Variants in ANK2 observed in about 807,000 individuals in gnomAD.
ANK2 encodes the protein ankyrin-2.
Under a neutral mutation model 360.5 loss-of-function variants are expected in ANK2, and 83 were observed. The ratio of observed to expected loss-of-function variants is 0.23; its 90% CI spans 0.19 to 0.28. The LOEUF is 0.28. Ranked by LOEUF, ANK2 falls within the 10% of genes least tolerant of loss-of-function variation. The pLI is 1.00. For missense variants in ANK2, 4,201 were observed against 4,795.7 expected, an observed-to-expected ratio of 0.88 and a Z score of 3.66; for synonymous variants, 1,740 against 1,759.5, an observed-to-expected ratio of 0.99 and a Z score of 0.28.
chr4:113,368,755 G>C (rs2096626719), intron 42 of ANK2, among the ~76,000 whole-genome samples: 1 of 152,162 alleles, frequency 6.6e-6, no homozygotes, highest in Non-Finnish European at 1.5e-5. Context: ...TTCTTCCACT[G>C]AGCCACCCTT....
In ANK2 at chr4:113,356,945, G is replaced by A. The variant is rs772706757; in HGVS notation, c.8327G>A (p.Gly2776Glu). ...TDQPKICDGH[G>E]CEAMSPSSSA... ...CAGCCAAAAATCTGTGATGGCCATG[G>A]ATGTGAGGCCATGAGTCCTAGCAGC... is the stretch of plus-strand genomic sequence containing the variant. Residue 2776 changes from glycine to glutamate, a missense_variant, in exon 38 of 46, where the codon GGA becomes GAA. Gly to Glu is a moderately conservative substitution (Grantham distance 98, BLOSUM62 -2). This residue lies in a region of ANK2 where 2,642 missense variants were observed against 2,714.5 expected (regional missense o/e 0.97). Coordinates refer to ENST00000357077, the MANE Select transcript of ANK2 (RefSeq NM_001148.6). 6.2e-7 allele frequency: 1 copy of A among 1,614,036 alleles called. No individual in the cohort carries two copies. The highest frequency in any genetic ancestry group is 1.1e-5 in the South Asian group (1 of 91,084).
chr4:113,330,490 C>T lies in ANK2; in HGVS notation c.3125+20C>T. ...CCTTGGGTAAGGGTTTCTGATAAAC[C>T]TCCCACTTAGTCATCGATGAGCTTG... On this transcript the variant is annotated intron_variant, in intron 27 of 45. Transcript: ENST00000357077. 6.2e-7 allele frequency: 1 copy of T among 1,611,702 alleles called. No individual in the cohort carries two copies. Among genetic ancestry groups the T allele is most frequent in the African/African-American group, 1.3e-5 (1 of 74,978 alleles).
intron 4 of ANK2, among the ~76,000 whole-genome samples, chr4:113,218,163 A>G (rs1381713810): frequency 6.6e-6 from 1 of 152,202 alleles, no homozygotes; most frequent in East Asian, 1.9e-4. Flanking sequence ...CTAATGCTCT[A>G]ACCTTTACTG....
the ANK2 span, among the ~76,000 whole-genome samples, chr4:112,794,558 T>A: frequency 6.6e-6 from 1 of 152,218 alleles, no homozygotes; most frequent in Non-Finnish European, 1.5e-5. Flanking sequence ...TATATAAGCC[T>A]AAATTTATGC....
At chr4:112,896,800 C>G (rs752764182) in intron 1 of ANK2, among the ~76,000 whole-genome samples, 1 of 152,164 alleles carries the variant, frequency 6.6e-6, no homozygotes, top group Non-Finnish European at 1.5e-5. Context: ...CTTTATTCAG[C>G]CTTGGAACCA....
At chr4:112,944,587 C>T (rs189998273) in intron 2 of ANK2, among the ~76,000 whole-genome samples, 39 of 152,294 alleles carry the variant, frequency 2.6e-4, no homozygotes, top group Admixed American at 6.5e-4. Context: ...GTCCCACCCC[C>T]CTTCCCCATT....
At chr4:112,775,120 G>T in the ANK2 span, among the ~76,000 whole-genome samples, 5 of 152,078 alleles carry the variant, frequency 3.3e-5, no homozygotes, top group Non-Finnish European at 5.9e-5. Context: ...AGTATAGACA[G>T]TGAAAGAAAA....
At chr4:112,983,402 C>T (rs924256932) in intron 2 of ANK2, among the ~76,000 whole-genome samples, 8 of 150,320 alleles carry the variant, frequency 5.3e-5, no homozygotes, top group African/African-American at 1.7e-4. Flanking sequence ...AGAGGCCGGG[C>T]GCAGTGGCTC....
At chr4:112,722,989 G>C in the ANK2 span, among the ~76,000 whole-genome samples, 1 of 152,000 alleles carries the variant, frequency 6.6e-6, no homozygotes, top group Non-Finnish European at 1.5e-5. Flanking sequence ...GAAAAAAAAA[G>C]AGAAAAAAGT....
At chr4:112,861,199 G>A (rs2067900727) in intron 1 of ANK2, among the ~76,000 whole-genome samples, 2 of 152,070 alleles carry the variant, frequency 1.3e-5, no homozygotes, top group South Asian at 4.1e-4. Flanking sequence ...TAAAGAAAAG[G>A]GCTATTGTTT....
the ANK2 span, among the ~76,000 whole-genome samples, chr4:112,737,130 T>C: frequency 6.6e-6 from 1 of 152,208 alleles, no homozygotes; most frequent in Non-Finnish European, 1.5e-5. Flanking sequence ...TGTCTATAAA[T>C]TGGGGATAAT....
At chr4:113,359,351 A>G (rs201195682) in intron 38 of ANK2, 52 bp downstream of exon 38, 360 of 1,605,484 alleles carry the variant, frequency 2.2e-4, no homozygotes, top group Non-Finnish European at 4.7e-5. Context: ...TAAAATTGAT[A>G]TAGTTTTTTT....
intron 1 of ANK2, among the ~76,000 whole-genome samples, chr4:113,124,513 C>T (rs924544317): frequency 6.6e-6 from 1 of 152,096 alleles, no homozygotes; most frequent in Non-Finnish European, 1.5e-5. Context: ...TGTTCTGTTT[C>T]TGTTTTTGTT....
At chr4:113,224,033 A>C (rs1341628694) in intron 4 of ANK2, among the ~76,000 whole-genome samples, 2 of 152,114 alleles carry the variant, frequency 1.3e-5, no homozygotes, top group African/African-American at 4.8e-5. Context: ...TAACACAGCA[A>C]CTCATTTCCT....
intron 2 of ANK2, among the ~76,000 whole-genome samples, chr4:113,006,535 A>T (rs963871190): frequency 2.0e-5 from 3 of 152,150 alleles, no homozygotes; most frequent in Non-Finnish European, 4.4e-5. Flanking sequence ...TTGTTAGAAA[A>T]TGTGGAGAAA....
intron 4 of ANK2, among the ~76,000 whole-genome samples, chr4:113,225,917 C>G (rs903386687): frequency 1.3e-5 from 2 of 152,084 alleles, no homozygotes; most frequent in Non-Finnish European, 2.9e-5. Context: ...TTTGAATTCC[C>G]TAAAATACAG....
intron 6 of ANK2, 147 bp from the exon 7 acceptor site, chr4:113,237,452 G>A (rs959171186): frequency 5.9e-6 from 5 of 851,444 alleles, no homozygotes; most frequent in South Asian, 1.4e-5. Context: ...AAATTGTATT[G>A]TGTGGTGCTT....
chr4:113,110,158 G>A (rs1302303668), intron 1 of ANK2, among the ~76,000 whole-genome samples: 1 of 152,144 alleles, frequency 6.6e-6, no homozygotes, highest in African/African-American at 2.4e-5. Context: ...CACAATCATG[G>A]TGGAAGGCGA....
At chr4:113,297,921 T>C (rs1055156734) in intron 22 of ANK2, among the ~76,000 whole-genome samples, 4 of 151,920 alleles carry the variant, frequency 2.6e-5, no homozygotes, top group African/African-American at 9.7e-5. Context: ...TCGGGAGTAG[T>C]AGGTGGGCAG....
Sources: allele counts gnomAD v4.1 joint callset (sites outside exome capture counted in the v4.1 genomes callset), GRCh38; gene constraint gnomAD v4.1.1; regional missense constraint gnomAD v4.1.1; transcripts MANE v1.5; gene names NCBI Gene and HGNC (gene_info 2026-07-23, HGNC 2026-07-21).